Variants in ADGRV1 observed in about 807,000 individuals in gnomAD.
ADGRV1 encodes G-protein coupled receptor 98.
ADGRV1 carries 359 observed loss-of-function variants against 596.2 expected under a neutral mutation model. That is an observed-to-expected ratio of 0.60 (90% CI 0.55 to 0.66). ADGRV1 has a LOEUF of 0.66. Among genes scored for constraint, ADGRV1 ranks in the 30% least tolerant of loss-of-function variants. ADGRV1 has a pLI of 0.00. For missense variants in ADGRV1, 7,274 were observed against 7,575.6 expected, an observed-to-expected ratio of 0.96 and a Z score of 1.48; for synonymous variants, 2,681 against 2,679.2, an observed-to-expected ratio of 1.00 and a Z score of -0.02.
intron 1 of ADGRV1, among the ~76,000 whole-genome samples, chr5:90,580,262 T>C: frequency 6.6e-6 from 1 of 152,216 alleles, no homozygotes. Context: ...ATTGTTCCTT[T>C]CCATGTTTAG....
At chr5:90,676,477 A>G (rs1744239052) in intron 25 of ADGRV1, among the ~76,000 whole-genome samples, 1 of 152,186 alleles carries the variant, frequency 6.6e-6, no homozygotes, top group South Asian at 2.1e-4. Context: ...TCCTCTTTAC[A>G]TAAACTTTTA....
chr5:90,653,423 G>A lies in ADGRV1; in HGVS notation c.3849G>A (p.Leu1283=). Residue 1283 remains leucine, a synonymous_variant, in exon 20 of 90, where the codon CTG becomes CTA. Transcript: ENST00000405460. ...AGGGTGTGTTTGGTGATGTACAACTGGGCTGGGAAATACTGTCCAGTGAGT... is the reference window on the plus strand; with the variant it reads ...AGGGTGTGTTTGGTGATGTACAACTAGGCTGGGAAATACTGTCCAGTGAGT... ...RQQGVFGDVQ[L]GWEILSSEFP... 1 of 1,613,896 alleles carries A rather than the reference G, an allele frequency of 6.2e-7. No homozygotes were observed. The highest frequency in any genetic ancestry group is 8.5e-7 in the Non-Finnish European group (1 of 1,179,848).
chr5:90,872,198 T>C, intron 83 of ADGRV1, among the ~76,000 whole-genome samples: 1 of 152,206 alleles, frequency 6.6e-6, no homozygotes, highest in East Asian at 1.9e-4. Flanking sequence ...CCTTTCCTTG[T>C]ACTATAGGTA....
chr5:90,720,251 A>T lies in ADGRV1; in HGVS notation c.9623+28A>T, dbSNP rs779034153. On this transcript the variant is annotated intron_variant, in intron 44 of 89. Coordinates refer to ENST00000405460, the MANE Select transcript of ADGRV1 (RefSeq NM_032119.4). ...ATAGTTTATTCATAAGGAAATTATCACTTCTGAAGCTATAAGTAGGGAATA... is the reference window on the plus strand; with the variant it reads ...ATAGTTTATTCATAAGGAAATTATCTCTTCTGAAGCTATAAGTAGGGAATA... The T allele has an allele frequency of 3.8e-5, 52 of 1,363,090 alleles. No individual in the cohort carries two copies. In the South Asian group the frequency reaches 7.9e-4, roughly 21 times the overall value. 84.4% of individuals were successfully genotyped at this position (1,363,090 alleles called of 1,614,324 possible).
At chr5:90,890,901 G>A (rs1770757608) in intron 83 of ADGRV1, among the ~76,000 whole-genome samples, 1 of 151,976 alleles carries the variant, frequency 6.6e-6, no homozygotes, top group South Asian at 2.1e-4. Flanking sequence ...CCCTGATAAA[G>A]AGTAAAGTTG....
chr5:90,626,293 A>G (rs1029329937), intron 6 of ADGRV1: 2 of 152,214 alleles, frequency 1.3e-5, no homozygotes, highest in Non-Finnish European at 2.9e-5. Flanking sequence ...TGATATCTCC[A>G]GTTCCTCTGG....
intron 85 of ADGRV1, among the ~76,000 whole-genome samples, chr5:91,019,730 A>T (rs892643320): frequency 3.3e-5 from 5 of 152,018 alleles, no homozygotes; most frequent in African/African-American, 1.2e-4. Flanking sequence ...ACTGGTTGTT[A>T]GTGAAAATAC....
At chr5:91,014,788 T>C (rs1472401445) in intron 85 of ADGRV1, among the ~76,000 whole-genome samples, 1 of 152,030 alleles carries the variant, frequency 6.6e-6, no homozygotes, top group African/African-American at 2.4e-5. Flanking sequence ...TTTTTCTTCT[T>C]TATTAATCTA....
At chr5:90,697,643 A>C (rs1398767106) in intron 34 of ADGRV1, among the ~76,000 whole-genome samples, 2 of 152,178 alleles carry the variant, frequency 1.3e-5, no homozygotes, top group Admixed American at 1.3e-4. Context: ...TTTTATGAAC[A>C]AAGTGCCAAA....
intron 58 of ADGRV1, chr5:90,762,998 G>A (rs186409805): frequency 2.3e-4 from 47 of 200,732 alleles, no homozygotes; most frequent in South Asian, 2.1e-3. Flanking sequence ...GAGGATGTGG[G>A]GTCTTGTGTG....
intron 70 of ADGRV1, among the ~76,000 whole-genome samples, chr5:90,801,252 G>A (rs1390775960): frequency 1.3e-5 from 2 of 151,996 alleles, no homozygotes; most frequent in East Asian, 3.9e-4. Flanking sequence ...CCTCAAATCT[G>A]CTCTAACTCA....
intron 21 of ADGRV1, among the ~76,000 whole-genome samples, chr5:90,665,194 G>C (rs183762715): frequency 0.02 from 3,063 of 151,922 alleles, 98 homozygotes; most frequent in African/African-American, 0.07. Context: ...AATGGTACCA[G>C]TTCCTCCTTG....
chr5:90,651,325 G>A (rs898342851), intron 17 of ADGRV1, among the ~76,000 whole-genome samples: 1 of 152,038 alleles, frequency 6.6e-6, no homozygotes, highest in Admixed American at 6.5e-5. Flanking sequence ...CAATAAAATA[G>A]TTCATTTGTA....
At chr5:90,954,488 A>G (rs1237181057) in intron 83 of ADGRV1, among the ~76,000 whole-genome samples, 1 of 152,160 alleles carries the variant, frequency 6.6e-6, no homozygotes, top group Non-Finnish European at 1.5e-5. Flanking sequence ...AATCCTAAAG[A>G]CATATAAAGG....
At chr5:90,968,467 T>G (rs950889479) in intron 84 of ADGRV1, among the ~76,000 whole-genome samples, 1 of 152,238 alleles carries the variant, frequency 6.6e-6, no homozygotes, top group Non-Finnish European at 1.5e-5. Flanking sequence ...GATTCACATT[T>G]AGTAGACCAA....
At chr5:90,843,616 A>G (rs1292938442) in intron 78 of ADGRV1, among the ~76,000 whole-genome samples, 1 of 152,192 alleles carries the variant, frequency 6.6e-6, no homozygotes, top group African/African-American at 2.4e-5. Flanking sequence ...ATCTTTCCAA[A>G]GCCTCAGACA....
intron 85 of ADGRV1, among the ~76,000 whole-genome samples, chr5:91,060,400 T>A (rs113820887): frequency 0.064 from 1,445 of 22,736 alleles, 6 homozygotes; most frequent in Middle Eastern, 0.15. Context: ...ATATATATAT[T>A]TTTTTTTTTA....
At position 90,704,404 on chromosome 5, in the gene ADGRV1, A is replaced by G; in HGVS notation, c.8302A>G (p.Thr2768Ala). 1 of 1,574,364 alleles carries G rather than the reference A, an allele frequency of 6.4e-7. No individual in the cohort carries two copies. Among genetic ancestry groups the G allele is most frequent in the South Asian group, 1.2e-5 (1 of 84,688 alleles). Residue 2768 changes from threonine (T) to alanine (A), a missense_variant, in exon 36 of 90, where the codon ACA becomes GCA. Around this residue, in one of 5 missense-constraint regions of ADGRV1, gnomAD observed 3,643 missense variants for 3,809.2 expected, o/e 0.96. Coordinates refer to ENST00000405460, the MANE Select transcript of ADGRV1 (RefSeq NM_032119.4). ...TATGACATAGGGGTCGTTGAATACA[A>G]CATTGTTTGTGCATTTGTTGGATGA... ...LFFPEGSLNT[T>A]LFVHLLDDNI...
intron 25 of ADGRV1, among the ~76,000 whole-genome samples, chr5:90,678,634 A>G (rs539856681): frequency 9.5e-5 from 14 of 146,978 alleles, no homozygotes; most frequent in African/African-American, 3.5e-4. Context: ...TAGATACATA[A>G]TAACGTAGTG....
Sources: gnomAD v4.1 joint callset for allele counts (sites outside exome capture counted in the v4.1 genomes callset) on GRCh38, gnomAD v4.1.1 for gene constraint, gnomAD v4.1.1 regional missense constraint, MANE v1.5 for transcripts, NCBI Gene and HGNC (gene_info 2026-07-23, HGNC 2026-07-21) for gene names.